Variants in ZNF280D observed in about 807,000 individuals in gnomAD.
The protein encoded by ZNF280D is zinc finger protein 280D.
ZNF280D carries 39 observed loss-of-function variants against 94.7 expected under a neutral mutation model. The observed-to-expected ratio is 0.41, with a 90% CI of 0.32 to 0.54. The LOEUF (loss-of-function observed/expected upper bound fraction) is 0.54. ZNF280D is among the 20% of genes least tolerant of loss of function. The probability of loss-of-function intolerance (pLI) is 0.22; values close to 1 mark genes in which losing one functional copy is unlikely to be tolerated. For synonymous variants in ZNF280D, 398 were observed against 377.6 expected, an observed-to-expected ratio of 1.05 and a Z score of -0.63; for missense variants, 1,090 against 1,149.3, an observed-to-expected ratio of 0.95 and a Z score of 0.75.
At chr15:56,702,993 A>T (rs1247355556) in intron 4 of ZNF280D, among the ~76,000 whole-genome samples, 4 of 151,580 alleles carry the variant, frequency 2.6e-5, no homozygotes, top group African/African-American at 4.9e-5. Context: ...ATTCTTTGGT[A>T]AATTCTCCTG....
chr15:56,706,714 T>C (rs772528446), intron 3 of ZNF280D, among the ~76,000 whole-genome samples: 7 of 152,186 alleles, frequency 4.6e-5, no homozygotes, highest in Non-Finnish European at 8.8e-5. Flanking sequence ...GTCTTCCTTG[T>C]TCTTTTTAAC....
intron 7 of ZNF280D, among the ~76,000 whole-genome samples, chr15:56,690,179 G>C (rs2056342512): frequency 6.6e-6 from 1 of 152,134 alleles, no homozygotes; most frequent in Non-Finnish European, 1.5e-5. Context: ...TCAGGAGATA[G>C]AGACCAGCCT....
At chr15:56,632,496 ATTTTT>A (rs35589148) in intron 21 of ZNF280D, among the ~76,000 whole-genome samples, 5 of 129,194 alleles carry the variant, frequency 3.9e-5, no homozygotes, top group Admixed American at 8.0e-5. Flanking sequence ...TTTTTTTATG[ATTTTT>A]TTTTTTTTTT....
At chr15:56,672,648 G>T (rs1414532917) in intron 13 of ZNF280D, among the ~76,000 whole-genome samples, 4 of 151,438 alleles carry the variant, frequency 2.6e-5, no homozygotes, top group East Asian at 1.9e-4. Context: ...TGTGTGTGTG[G>T]TTTTTTTTGT....
chr15:56,716,948 T>C (rs1047415665), intron 1 of ZNF280D, among the ~76,000 whole-genome samples: 1 of 152,154 alleles, frequency 6.6e-6, no homozygotes, highest in East Asian at 1.9e-4. Flanking sequence ...ATTGATTCTA[T>C]CCTCATAAAG....
chr15:56,731,431 A>C (rs1361073320), intron 1 of ZNF280D, among the ~76,000 whole-genome samples: 1 of 148,490 alleles, frequency 6.7e-6, no homozygotes, highest in Non-Finnish European at 1.5e-5. Context: ...TGAGCCCAGG[A>C]AGGAGGTCAA....
At chr15:56,654,710 G>A in intron 17 of ZNF280D, 2 of 611,446 alleles carry the variant, frequency 3.3e-6, no homozygotes, top group Non-Finnish European at 6.1e-6. Context: ...TTTACAGAAA[G>A]TATTTATTTT....
intron 21 of ZNF280D, 58 bp downstream of exon 21, chr15:56,635,137 C>G: frequency 9.4e-7 from 1 of 1,068,838 alleles, no homozygotes; most frequent in Middle Eastern, 2.0e-4. Context: ...AATAATGCAG[C>G]TCAAGTGTTA....
intron 9 of ZNF280D, among the ~76,000 whole-genome samples, chr15:56,685,587 A>G (rs1028760384): frequency 6.6e-6 from 1 of 152,222 alleles, no homozygotes; most frequent in Non-Finnish European, 1.5e-5. Context: ...ATTGACTAAA[A>G]TCAAGTAGCA....
Position 56,666,890 on chromosome 15 carries a change from T to C in ZNF280D, c.1642A>G (p.Arg548Gly). The C allele has an allele frequency of 6.2e-7, 1 of 1,613,872 alleles. No individual in the cohort carries two copies. Residue 548 changes from arginine to glycine, a missense_variant, in exon 15 of 22, where the codon AGG becomes GGG. This residue lies in a region of ZNF280D where 577 missense variants were observed against 568.8 expected (regional missense o/e 1.01). Coordinates refer to ENST00000267807, the MANE Select transcript of ZNF280D (RefSeq NM_017661.4). The stretch of plus-strand genomic sequence containing the variant: ...TTTTTAGCAGTTATATTTTTAGTCC[T>C]TGGAGGTGAGAGCTGAAGGGTAGAA... ...SASTLQLSPPRTKNITAKNPA... is the reference protein window; with the variant it reads ...SASTLQLSPPGTKNITAKNPA...
chr15:56,654,567 GATT>G, intron 17 of ZNF280D, 64 bp from the exon 18 acceptor site: 2 of 1,451,744 alleles, frequency 1.4e-6, no homozygotes, highest in Non-Finnish European at 1.9e-6. Context: ...TAAGTTTGAT[GATT>G]ATTTTTCCAT....
At chr15:56,707,645 TC>T (rs2057490443) in intron 1 of ZNF280D, among the ~76,000 whole-genome samples, 1 of 152,190 alleles carries the variant, frequency 6.6e-6, no homozygotes, top group African/African-American at 2.4e-5. Flanking sequence ...CGTTATCTTT[TC>T]TTTGTATTTC....
intron 1 of ZNF280D, among the ~76,000 whole-genome samples, chr15:56,728,564 C>T (rs1357667805): frequency 6.6e-6 from 1 of 152,100 alleles, no homozygotes; most frequent in East Asian, 1.9e-4. Context: ...TGATGATGTA[C>T]ATGCAAAAAG....
At chr15:56,720,725 A>G (rs1399686662) in intron 1 of ZNF280D, among the ~76,000 whole-genome samples, 1 of 152,150 alleles carries the variant, frequency 6.6e-6, no homozygotes, top group African/African-American at 2.4e-5. Flanking sequence ...AAACATGAAA[A>G]CAACATTAAT....
intron 19 of ZNF280D, chr15:56,653,567 A>G (rs1188460445): frequency 1.3e-6 from 2 of 1,511,120 alleles, no homozygotes; most frequent in Non-Finnish European, 1.8e-6. Flanking sequence ...TATACCCTGG[A>G]TATTTTTTGA....
At chr15:56,635,006 A>G (rs1028629511) in intron 21 of ZNF280D, among the ~76,000 whole-genome samples, 189 bp downstream of exon 21, 1 of 152,114 alleles carries the variant, frequency 6.6e-6, no homozygotes. Flanking sequence ...ATTTAAAAAC[A>G]AAGGATATAG....
rs766381163 is a variant in ZNF280D at position 56,668,954 on chromosome 15, T to C, written c.1414A>G (p.Lys472Glu). Residue 472 changes from lysine to glutamate, a missense_variant, in exon 14 of 22, where the codon AAA becomes GAA. By Grantham distance (56) the Lys-to-Glu change is moderately conservative. Transcript: ENST00000267807. The part of the protein sequence containing the change: ...YMHHYMKHQK[K>E]GIHRCTKCRL... Reference sequence around the variant, plus strand: ...CATTTTGTACAACGATGTATTCCTTTTTTCTGTTTAGAAAAAAACAGAAAA... The same window carrying C: ...CATTTTGTACAACGATGTATTCCTTCTTTCTGTTTAGAAAAAAACAGAAAA... 2 of 1,603,942 alleles carry C rather than the reference T, an allele frequency of 1.2e-6. No homozygotes were observed. Among genetic ancestry groups the C allele is most frequent in the African/African-American group, 1.3e-5 (1 of 74,354 alleles).
chr15:56,689,895 G>C lies in ZNF280D; in HGVS notation c.500-425C>G, dbSNP rs145075154. Among the ~76,000 whole-genome samples, 46 of 152,130 alleles carry C rather than the reference G, an allele frequency of 3.0e-4. No individual in the cohort carries two copies. The East Asian group carries it at 8.3e-3, about 27-fold the overall frequency. ...AACAATTACCTGTTTCAAAAATTTA[G>C]AGATACTCTTAAGATGCTTTTTTCA... On this transcript the variant is annotated intron_variant, in intron 7 of 21. Coordinates refer to ENST00000267807, the MANE Select transcript of ZNF280D (RefSeq NM_017661.4).
rs377325587 is a variant in ZNF280D at position 56,644,558 on chromosome 15, T to C, written c.2214-1561A>G. ...GAAAAACAAATTGGTCACAGAACAA[T>C]TTAAATATTTCATGAAAGATTTTTC... On this transcript the variant is annotated intron_variant, in intron 19 of 21. Transcript: ENST00000267807. Among the ~76,000 whole-genome samples, 4 of 152,144 alleles carry C rather than the reference T, an allele frequency of 2.6e-5. No homozygotes were observed. The East Asian group carries it at 5.8e-4, about 22-fold the overall frequency.
Sources: gnomAD v4.1 joint callset for allele counts (sites outside exome capture counted in the v4.1 genomes callset) on GRCh38, gnomAD v4.1.1 for gene constraint, gnomAD v4.1.1 regional missense constraint, MANE v1.5 for transcripts, NCBI Gene and HGNC (gene_info 2026-07-23, HGNC 2026-07-21) for gene names.